NT5E: variants seen among roughly 807,000 people sequenced by gnomAD.
NT5E encodes the protein 5'-nucleotidase.
A neutral mutation model predicts 55.1 loss-of-function variants in NT5E; 53 were observed. The observed-to-expected ratio is 0.96, with a 90% CI of 0.77 to 1.21. NT5E has a LOEUF of 1.21. Ranked by LOEUF, NT5E falls within the 50% of genes most tolerant of loss-of-function variation. NT5E has a pLI of 0.00. For missense variants in NT5E, 683 were observed against 724.3 expected (o/e 0.94, Z 0.65); for synonymous variants, 270 against 278.4 (o/e 0.97, Z 0.30).
At chr6:85,460,004 G>A (rs1368113719) in intron 1 of NT5E, among the ~76,000 whole-genome samples, 2 of 152,086 alleles carry the variant, frequency 1.3e-5, no homozygotes, top group Non-Finnish European at 2.9e-5. Context: ...TCTCTATACA[G>A]GCCAAAAACT....
In NT5E at chr6:85,486,985, C is replaced by T. The variant is rs577162870; in HGVS notation, c.950-350C>T. Among the ~76,000 whole-genome samples the T allele has an allele frequency of 1.1e-4, 17 of 152,234 alleles. No individual in the cohort carries two copies. The South Asian group carries it at 2.3e-3, about 20-fold the overall frequency. On this transcript the variant is annotated intron_variant, in intron 4 of 8. Coordinates refer to ENST00000257770, the MANE Select transcript of NT5E (RefSeq NM_002526.4). ...AAGGGGCCCAGGACCACACTGACAGCGATAGCCCAGCTGTACCTCAGCAGG... is the reference window on the plus strand; with the variant it reads ...AAGGGGCCCAGGACCACACTGACAGTGATAGCCCAGCTGTACCTCAGCAGG...
At chr6:85,485,188 T>C (rs1769623797) in intron 3 of NT5E, 47 bp from the exon 4 acceptor site, 10 of 1,594,156 alleles carry the variant, frequency 6.3e-6, no homozygotes, top group Non-Finnish European at 7.7e-6. Flanking sequence ...CAGCCAGCCA[T>C]GTATGTACAA....
chr6:85,490,273 A>C (rs1769755010), intron 6 of NT5E, among the ~76,000 whole-genome samples: 1 of 152,232 alleles, frequency 6.6e-6, no homozygotes, highest in Non-Finnish European at 1.5e-5. Flanking sequence ...TGAACTTCTG[A>C]GGCACAGCCA....
intron 3 of NT5E, among the ~76,000 whole-genome samples, chr6:85,481,050 A>G (rs1037606771): frequency 6.6e-6 from 1 of 152,172 alleles, no homozygotes; most frequent in African/African-American, 2.4e-5. Context: ...GCTGGCTTCT[A>G]CATGATTCCA....
intron 3 of NT5E, among the ~76,000 whole-genome samples, chr6:85,474,594 A>G (rs780492618): frequency 2.0e-5 from 3 of 152,178 alleles, no homozygotes; most frequent in Non-Finnish European, 4.4e-5. Context: ...TCTGATGAAA[A>G]TCTTCACTTT....
intron 2 of NT5E, among the ~76,000 whole-genome samples, chr6:85,470,218 G>A (rs1769276858): frequency 6.6e-6 from 1 of 152,116 alleles, no homozygotes; most frequent in Admixed American, 6.5e-5. Flanking sequence ...CCTCAAATGT[G>A]GCTAACAGAG....
At chr6:85,480,105 C>T (rs753098227) in intron 3 of NT5E, among the ~76,000 whole-genome samples, 8 of 152,112 alleles carry the variant, frequency 5.3e-5, no homozygotes, top group African/African-American at 1.7e-4. Context: ...ACTGGAGCTC[C>T]GTGAAGATCT....
At chr6:85,483,231 C>A (rs555031118) in intron 3 of NT5E, among the ~76,000 whole-genome samples, 2 of 152,218 alleles carry the variant, frequency 1.3e-5, no homozygotes, top group Non-Finnish European at 2.9e-5. Flanking sequence ...CTGATATCTG[C>A]AACTAGTGCT....
At chr6:85,479,057 C>T (rs756732382) in intron 3 of NT5E, among the ~76,000 whole-genome samples, 1 of 152,038 alleles carries the variant, frequency 6.6e-6, no homozygotes, top group Non-Finnish European at 1.5e-5. Context: ...TTTTCTTCTG[C>T]ATTTGCCAAA....
chr6:85,488,365 G>A (rs1474860770), intron 5 of NT5E, among the ~76,000 whole-genome samples: 1 of 152,124 alleles, frequency 6.6e-6, no homozygotes, highest in African/African-American at 2.4e-5. Context: ...CCGTGTAAAT[G>A]ACAACAATCA....
Position 85,467,187 on chromosome 6 carries a change from G to C in NT5E, c.467G>C (p.Gly156Ala), listed in dbSNP as rs1349171818. The C allele has an allele frequency of 6.2e-7, 1 of 1,614,050 alleles. No individual in the cohort carries two copies. Among genetic ancestry groups the C allele is most frequent in the South Asian group, 1.1e-5 (1 of 91,068 alleles). The change falls in exon 2 of 9, where the codon GGA (glycine) becomes GCA (alanine). Residue 156 changes from glycine (G) to alanine (A), a missense_variant. Physicochemically the swap from Gly to Ala is moderately conservative, Grantham distance 60. Coordinates refer to ENST00000257770, the MANE Select transcript of NT5E (RefSeq NM_002526.4). ...GGGCCACTAGCATCTCAAATATCAG[G>C]ACTTTATTTGCCATATAAAGTTCTT... ...AKGPLASQISGLYLPYKVLPV... is the reference protein window; with the variant it reads ...AKGPLASQISALYLPYKVLPV...
intron 3 of NT5E, among the ~76,000 whole-genome samples, chr6:85,474,981 A>T (rs1354223631): frequency 6.6e-6 from 1 of 152,220 alleles, no homozygotes; most frequent in Non-Finnish European, 1.5e-5. Flanking sequence ...TCCAGGACAC[A>T]ATAGGGATGA....
At chr6:85,469,613 G>T (rs1262207465) in intron 2 of NT5E, among the ~76,000 whole-genome samples, 1 of 152,210 alleles carries the variant, frequency 6.6e-6, no homozygotes, top group East Asian at 1.9e-4. Flanking sequence ...AGGCAACATA[G>T]CACTGAGGGT....
intron 1 of NT5E, among the ~76,000 whole-genome samples, chr6:85,457,631 G>A (rs1283624635): frequency 2.6e-5 from 4 of 152,146 alleles, no homozygotes; most frequent in South Asian, 2.1e-4. Flanking sequence ...GGATGCTCGC[G>A]GGATGTTACT....
chr6:85,456,832 C>T (rs148479891), intron 1 of NT5E, among the ~76,000 whole-genome samples: 1 of 152,292 alleles, frequency 6.6e-6, no homozygotes, highest in African/African-American at 2.4e-5. Context: ...ATCAAGTCCC[C>T]TTCCTACCAC....
Position 85,455,220 on chromosome 6 carries a change from C to G in NT5E, c.339+4742C>G, listed in dbSNP as rs553325672. On this transcript the variant is annotated intron_variant, in intron 1 of 8. Coordinates refer to ENST00000257770, the MANE Select transcript of NT5E (RefSeq NM_002526.4). ...GAAATTTCCTAAGTAATAGAAATGT[C>G]CTTTGTGATTCATAATAAACCCCAT... Among the ~76,000 whole-genome samples, 9 of 152,294 alleles carry G rather than the reference C, an allele frequency of 5.9e-5. 1 individual carries two copies. The South Asian group carries it at 1.7e-3, about 28-fold the overall frequency.
chr6:85,471,700 T>A (rs1157378989), intron 3 of NT5E: 2 of 162,398 alleles, frequency 1.2e-5, no homozygotes, highest in Non-Finnish European at 2.7e-5. Context: ...AACATATATA[T>A]ACCATACATA....
At position 85,492,212 on chromosome 6, in the gene NT5E, CA is replaced by C. The variant is rs771281954; in HGVS notation, c.1561+37del. The C allele has an allele frequency of 1.9e-6, 3 of 1,605,318 alleles. No homozygotes were observed. In the African/African-American group the frequency reaches 4.0e-5, roughly 21 times the overall value. ...ACTGTCTCTTCCTTTCTCTAAAGAACAACAAAATTGGGCCAAGAAGGGGAGC... is the reference window on the plus strand; with the variant it reads ...ACTGTCTCTTCCTTTCTCTAAAGAACACAAAATTGGGCCAAGAAGGGGAGC... On this transcript the variant is annotated intron_variant, in intron 8 of 8. Coordinates refer to ENST00000257770, the MANE Select transcript of NT5E (RefSeq NM_002526.4).
chr6:85,457,362 A>C (rs1289256102), intron 1 of NT5E, among the ~76,000 whole-genome samples: 1 of 152,166 alleles, frequency 6.6e-6, no homozygotes, highest in African/African-American at 2.4e-5. Context: ...CCTTATCTAT[A>C]AAATGGGGGA....
Sources: gnomAD v4.1 joint callset for allele counts (sites outside exome capture counted in the v4.1 genomes callset) on GRCh38, gnomAD v4.1.1 for gene constraint, MANE v1.5 for transcripts, NCBI Gene and HGNC (gene_info 2026-07-23, HGNC 2026-07-21) for gene names.